Variants in ZNF503 observed in about 807,000 individuals in gnomAD.
ZNF503 encodes zinc finger protein 503, also known as NocA-like zinc finger 2.
In ZNF503, 15 loss-of-function variants were observed where a neutral mutation model predicts 34.4. The ratio of observed to expected loss-of-function variants is 0.44; its 90% CI spans 0.29 to 0.67. The LOEUF is 0.67. Ranked by LOEUF, ZNF503 falls within the 30% of genes least tolerant of loss-of-function variation. The probability of loss-of-function intolerance (pLI) is 0.13; values close to 1 mark genes in which losing one functional copy is unlikely to be tolerated. For synonymous variants in ZNF503, 580 were observed against 456.8 expected, an observed-to-expected ratio of 1.27 and a Z score of -3.44; for missense variants, 1,007 against 926.8, an observed-to-expected ratio of 1.09 and a Z score of -1.12.
chr10:75,351,620 AG>A, the ZNF503 span, among the ~76,000 whole-genome samples: 1 of 152,344 alleles, frequency 6.6e-6, no homozygotes, highest in East Asian at 1.9e-4. Context: ...GATCCTCAGA[AG>A]GTCTTTGGCC....
At position 75,399,892 on chromosome 10, in the gene ZNF503, G is replaced by C; in HGVS notation, c.798C>G (p.Gly266=). 1 of 1,602,276 alleles carries C rather than the reference G, an allele frequency of 6.2e-7. No homozygotes were observed. Among genetic ancestry groups the C allele is most frequent in the Non-Finnish European group, 8.5e-7 (1 of 1,176,396 alleles). ...CCCCTTCGGCCGAGGCGCCCCCGGT[G>C]CCCTTGCCACCGCCGCCCACGTCGG... The part of the protein sequence containing the change: ...KDTDVGGGGK[G]TGGASAEGGP... The change falls in exon 2 of 2, where the codon GGC becomes GGG. Residue 266 remains glycine, a synonymous_variant. Transcript: ENST00000372524.
the ZNF503 span, among the ~76,000 whole-genome samples, chr10:75,380,155 A>C: frequency 1.3e-5 from 2 of 152,208 alleles, no homozygotes; most frequent in Non-Finnish European, 2.9e-5. Flanking sequence ...CAGAGATGGA[A>C]AAGGCAGGGC....
At position 75,399,069 on chromosome 10, in the gene ZNF503, T is replaced by A; in HGVS notation, c.1621A>T (p.Thr541Ser). The A allele has an allele frequency of 6.2e-7, 1 of 1,613,334 alleles. No homozygotes were observed. The highest frequency in any genetic ancestry group is 8.5e-7 in the Non-Finnish European group (1 of 1,179,796). ...TSEELLSHLR[T>S]HTAFPGTDKL... The stretch of plus-strand genomic sequence containing the variant: ...TCTGTCCCGGGAAATGCCGTATGGG[T>A]CCGCAAGTGGCTCAGCAGCTCTTCG... Residue 541 changes from threonine to serine, a missense_variant, in exon 2 of 2, where the codon ACC becomes TCC. Physicochemically the swap from Thr to Ser is moderately conservative, Grantham distance 58. Coordinates refer to ENST00000372524, the MANE Select transcript of ZNF503 (RefSeq NM_032772.6).
Position 75,398,721 on chromosome 10 carries a change from TCTCCCTCGCTCGCCCTCCC to T in ZNF503, c.*9_*27del. ...ACTCCTCCCCTCCCCCTCTCCCTCCTCTCCCTCGCTCGCCCTCCCGGCCGCCCTCACTGATACCCCAGCG... is the reference window on the plus strand; with the variant it reads ...ACTCCTCCCCTCCCCCTCTCCCTCCTGGCCGCCCTCACTGATACCCCAGCG... On this transcript the variant is annotated 3_prime_UTR_variant, in exon 2 of 2. Transcript: ENST00000372524. 1 of 1,355,850 alleles carries T rather than the reference TCTCCCTCGCTCGCCCTCCC, an allele frequency of 7.4e-7. No homozygotes were observed. Among genetic ancestry groups the T allele is most frequent in the Admixed American group, 3.5e-5 (1 of 28,424 alleles). 84.0% of individuals were successfully genotyped at this position (1,355,850 alleles called of 1,614,324 possible).
At chr10:75,282,561 C>T in the ZNF503 span, among the ~76,000 whole-genome samples, 2 of 152,224 alleles carry the variant, frequency 1.3e-5, no homozygotes, top group African/African-American at 4.8e-5. Context: ...ATGTAAGCTG[C>T]TGTAGCTAGG....
the ZNF503 span, among the ~76,000 whole-genome samples, chr10:75,364,577 G>A: frequency 2.0e-5 from 3 of 152,116 alleles, no homozygotes; most frequent in Non-Finnish European, 4.4e-5. Context: ...ACCAGAGACA[G>A]GCATCCCCAG....
At chr10:75,330,204 G>A in the ZNF503 span, among the ~76,000 whole-genome samples, 3 of 152,264 alleles carry the variant, frequency 2.0e-5, no homozygotes, top group East Asian at 5.8e-4. Context: ...GGGTTGCATG[G>A]TCACTTGATC....
chr10:75,343,932 C>T, the ZNF503 span, among the ~76,000 whole-genome samples: 1 of 152,236 alleles, frequency 6.6e-6, no homozygotes, highest in East Asian at 1.9e-4. Context: ...CCCATGCAGG[C>T]AGACTGTACG....
At chr10:75,340,744 A>G in the ZNF503 span, among the ~76,000 whole-genome samples, 1 of 152,170 alleles carries the variant, frequency 6.6e-6, no homozygotes, top group African/African-American at 2.4e-5. Context: ...GATTACAGGC[A>G]TGCGCCACCA....
chr10:75,373,078 G>C, the ZNF503 span, among the ~76,000 whole-genome samples: 6 of 152,230 alleles, frequency 3.9e-5, no homozygotes, highest in Non-Finnish European at 8.8e-5. Flanking sequence ...TCTTCTTAAG[G>C]CGCACAAGCT....
rs1416887141 is a variant in ZNF503 at position 75,398,847 on chromosome 10, C to A, written c.1843G>T (p.Ala615Ser). The A allele has an allele frequency of 6.7e-7, 1 of 1,503,730 alleles. No homozygotes were observed. Among genetic ancestry groups the A allele is most frequent in the Non-Finnish European group, 8.8e-7 (1 of 1,132,068 alleles). The allele number at this position is 1,503,730 out of a possible 1,614,324, so 93.1% of individuals were successfully genotyped here. A position where few individuals can be genotyped will look rare whatever the true frequency, so the allele number is the denominator to read the frequency against. The change falls in exon 2 of 2, where the codon GCC becomes TCC. Residue 615 changes from alanine (A) to serine (S), a missense_variant. Coordinates refer to ENST00000372524, the MANE Select transcript of ZNF503 (RefSeq NM_032772.6). ...GTGGCGGCGGGCACCGGCACGGGGG[C>A]GCCAGGCGTGGGAAGCGGGCTCTTG... ...YSKSPLPTPG[A>S]PVPVPAATGP...
rs779469481 is a variant in ZNF503 at position 75,399,991 on chromosome 10, G to A, written c.699C>T (p.Ala233=). The change falls in exon 2 of 2, where the codon GCC becomes GCT. Residue 233 remains alanine, a synonymous_variant. Transcript: ENST00000372524. The stretch of plus-strand genomic sequence containing the variant: ...GCATACCTCCCGGCGAGCAGGCCGA[G>A]GCGCTGGAGCTCGGGCTGCCTGTCC... The part of the protein sequence containing the change: ...TPRTGSPSSS[A]SACSPGGMLS... 4.4e-6 allele frequency: 7 copies of A among 1,605,722 alleles called. No homozygotes were observed. The highest frequency in any genetic ancestry group is 2.7e-5 in the African/African-American group (2 of 74,872).
At chr10:75,380,040 T>C in the ZNF503 span, among the ~76,000 whole-genome samples, 17,049 of 152,124 alleles carry the variant, frequency 0.11, 1,439 homozygotes, top group Non-Finnish European at 0.17. Context: ...TGGGTTAGAA[T>C]AGAAGTGTGT....
At chr10:75,293,704 G>A in the ZNF503 span, among the ~76,000 whole-genome samples, 3 of 151,890 alleles carry the variant, frequency 2.0e-5, no homozygotes, top group East Asian at 5.8e-4. Flanking sequence ...AGTTTTTCAT[G>A]ATGTTTTGGA....
At chr10:75,387,177 C>T in the ZNF503 span, among the ~76,000 whole-genome samples, 12 of 152,318 alleles carry the variant, frequency 7.9e-5, no homozygotes, top group South Asian at 4.1e-4. Flanking sequence ...CGGAGAATCC[C>T]GGAATAACTG....
chr10:75,384,487 C>T, the ZNF503 span, among the ~76,000 whole-genome samples: 1 of 152,106 alleles, frequency 6.6e-6, no homozygotes, highest in Non-Finnish European at 1.5e-5. Flanking sequence ...CAGGCCCCCA[C>T]AGATAGCCCC....
At chr10:75,375,676 C>G in the ZNF503 span, among the ~76,000 whole-genome samples, 1 of 152,122 alleles carries the variant, frequency 6.6e-6, no homozygotes, top group South Asian at 2.1e-4. Flanking sequence ...GCCACCACAC[C>G]CGGCTAATTT....
At chr10:75,381,844 C>A in the ZNF503 span, among the ~76,000 whole-genome samples, 5 of 30,804 alleles carry the variant, frequency 1.6e-4, no homozygotes, top group Non-Finnish European at 3.0e-4. Flanking sequence ...TTGAGACGGT[C>A]TCACTTGGTG....
At position 75,398,883 on chromosome 10, in the gene ZNF503, G is replaced by T; in HGVS notation, c.1807C>A (p.His603Asn). 5 of 1,535,294 alleles carry T rather than the reference G, an allele frequency of 3.3e-6. No individual in the cohort carries two copies. Among genetic ancestry groups the T allele is most frequent in the Non-Finnish European group, 4.4e-6 (5 of 1,144,446 alleles). ...HHALGLSSRY[H>N]PYSKSPLPTP... is the part of the protein sequence containing the mutation. ...GGAAGCGGGCTCTTGGAGTAGGGGTGGTAGCGGCTGCTGAGTCCCAGCGCG... is the reference window on the plus strand; with the variant it reads ...GGAAGCGGGCTCTTGGAGTAGGGGTTGTAGCGGCTGCTGAGTCCCAGCGCG... The change falls in exon 2 of 2, where the codon CAC (histidine) becomes AAC (asparagine). Residue 603 changes from histidine to asparagine, a missense_variant. Physicochemically the swap from His to Asn is moderately conservative, Grantham distance 68. Coordinates refer to ENST00000372524, the MANE Select transcript of ZNF503 (RefSeq NM_032772.6).
Sources: gnomAD v4.1 joint callset for allele counts (sites outside exome capture counted in the v4.1 genomes callset) on GRCh38, gnomAD v4.1.1 for gene constraint, MANE v1.5 for transcripts, NCBI Gene and HGNC (gene_info 2026-07-23, HGNC 2026-07-21) for gene names.